Variants in MCM7 observed in about 807,000 individuals in gnomAD.
MCM7 encodes minichromosome maintenance complex component 7, also known as DNA replication licensing factor MCM7.
MCM7 carries 95 observed loss-of-function variants against 83.5 expected under a neutral mutation model. That is an observed-to-expected ratio of 1.14 (90% confidence interval 0.96 to 1.35). MCM7 has a LOEUF of 1.35. MCM7 is among the 40% of genes most tolerant of loss of function. MCM7 has a pLI of 0.00. For synonymous variants in MCM7, 461 were observed against 352.7 expected (o/e 1.31, Z -3.44); for missense variants, 1,087 against 957.4 (o/e 1.14, Z -1.79).
Position 100,101,364 on chromosome 7 carries a change from C to G in MCM7, c.-70G>C. On this transcript the variant is annotated 5_prime_UTR_variant, in exon 1 of 15. Transcript: ENST00000303887. ...TTGCTCCTGGGGAAGCTGAGAATCT[C>G]CGCGCGGTGGACTGTGGCCGGCCAA... is the stretch of plus-strand genomic sequence containing the variant. 6.2e-7 allele frequency: 1 copy of G among 1,602,054 alleles called. No homozygotes were observed. Among genetic ancestry groups the G allele is most frequent in the Non-Finnish European group, 8.5e-7 (1 of 1,173,110 alleles).
At chr7:100,096,283 AC>A in intron 10 of MCM7, 116 bp from the exon 11 acceptor site, 1 of 1,029,654 alleles carries the variant, frequency 9.7e-7, no homozygotes, top group Non-Finnish European at 1.4e-6. Context: ...CACTCCCTCC[AC>A]CAGGCCTTCT....
chr7:100,099,935 T>C, intron 2 of MCM7, 79 bp downstream of exon 2: 1 of 1,471,960 alleles, frequency 6.8e-7, no homozygotes, highest in Non-Finnish European at 9.5e-7. Context: ...GTTATGTCTT[T>C]AATAAAACAA....
chr7:100,093,483 A>C (rs1584483479), intron 13 of MCM7, 82 bp from the exon 14 acceptor site: 1 of 1,293,616 alleles, frequency 7.7e-7, no homozygotes, highest in East Asian at 2.3e-5. Context: ...TTCTGGCTTT[A>C]AGGCTGGGCA....
At chr7:100,095,287 GGT>G in intron 12 of MCM7, 98 bp downstream of exon 12, 1 of 974,828 alleles carries the variant, frequency 1.0e-6, no homozygotes, top group East Asian at 2.6e-5. Context: ...AGCGGGAAGT[GGT>G]GGTGTGAAAA....
chr7:100,094,000 G>A (rs1562892264), intron 13 of MCM7, 173 bp downstream of exon 13: 9 of 861,946 alleles, frequency 1.0e-5, no homozygotes, highest in Non-Finnish European at 1.8e-5. Flanking sequence ...TGCCCTGCTG[G>A]AGCAGCAAGT....
Position 100,101,249 on chromosome 7 carries a change from C to T in MCM7, c.31+15G>A, listed in dbSNP as rs187528488. Reference sequence around the variant, plus strand: ...TCCCCGCGCAGGACGCCCTCCCGGGCTCGTAGACCCGTACCCTTCTCTAGC... The same window carrying T: ...TCCCCGCGCAGGACGCCCTCCCGGGTTCGTAGACCCGTACCCTTCTCTAGC... On this transcript the variant is annotated intron_variant, in intron 1 of 14. Transcript: ENST00000303887. 6.2e-7 allele frequency: 1 copy of T among 1,613,080 alleles called. No individual in the cohort carries two copies. Among genetic ancestry groups the T allele is most frequent in the African/African-American group, 1.3e-5 (1 of 75,062 alleles).
chr7:100,098,297 G>T lies in MCM7; in HGVS notation c.721-7C>A. On this transcript the variant is annotated splice_region_variant and splice_polypyrimidine_tract_variant and intron_variant, in intron 6 of 14. Coordinates refer to ENST00000303887, the MANE Select transcript of MCM7 (RefSeq NM_005916.5). The stretch of plus-strand genomic sequence containing the variant: ...CCACAGGCACCTGATCACTCTAGGG[G>T]AGGGAAAGGCACATAAGACTAGGAG... The T allele has an allele frequency of 1.2e-6, 2 of 1,613,872 alleles. No homozygotes were observed. Among genetic ancestry groups the T allele is most frequent in the Non-Finnish European group, 1.7e-6 (2 of 1,179,874 alleles).
rs890554533 is a variant in MCM7, at chr7:100,100,075, A to T, written c.50T>A (p.Leu17Ter). Reference sequence around the variant, plus strand: ...TTCATCATCCTGGTAGAACTCTTGTAAGAACTTCTTAACCTTTTCTGTAAC... The same window carrying T: ...TTCATCATCCTGGTAGAACTCTTGTTAGAACTTCTTAACCTTTTCTGTAAC... ...ALEKEKVKKF[L>*]QEFYQDDELG... Residue 17 changes from leucine (L) to a stop codon, truncating the protein, a stop_gained, in exon 2 of 15, where the codon TTA becomes TAA. Transcript: ENST00000303887. LOFTEE classifies it high-confidence loss of function. The T allele has an allele frequency of 6.2e-7, 1 of 1,614,174 alleles. No individual in the cohort carries two copies. Among genetic ancestry groups the T allele is most frequent in the Non-Finnish European group, 8.5e-7 (1 of 1,180,012 alleles).
At chr7:100,100,534 AAAG>A in intron 1 of MCM7, 6 of 996,164 alleles carry the variant, frequency 6.0e-6, no homozygotes, top group Non-Finnish European at 7.2e-6. Context: ...CTTAGTAAAC[AAAG>A]AAGCACATGG....
intron 2 of MCM7, 27 bp downstream of exon 2, chr7:100,099,987 A>G (rs368617055): frequency 1.9e-6 from 3 of 1,598,558 alleles, no homozygotes; most frequent in Non-Finnish European, 2.6e-6. Context: ...CCCGCTCCCC[A>G]TTCCCTTTAC....
rs758489790 is a variant in MCM7 at position 100,093,534 on chromosome 7, C to T, written c.1849-133G>A. 3 of 845,584 alleles carry T rather than the reference C, an allele frequency of 3.5e-6. No individual in the cohort carries two copies. In the South Asian group the frequency reaches 4.0e-5, roughly 11 times the overall value. 52.4% of individuals were successfully genotyped at this position (845,584 alleles called of 1,614,324 possible). ...ACTCACAAAACAGGAGTGGAATCCC[C>T]CCTCCCCCCAGCATCCGCAGTGTTG... On this transcript the variant is annotated intron_variant, in intron 13 of 14. Transcript: ENST00000303887.
At position 100,098,170 on chromosome 7, in the gene MCM7, G is replaced by A. The variant is rs144442526; in HGVS notation, c.841C>T (p.Leu281=). 1,095 of 1,614,140 alleles carry A rather than the reference G, an allele frequency of 6.8e-4. 1 individual carries two copies. The highest frequency in any genetic ancestry group is 1.2e-3 in the Middle Eastern group (7 of 6,062). ...ACCACCTGTCGGAACCCAGTGCGCAGGATTGGCAAGAAAATACCAGTGACG... is the reference window on the plus strand; with the variant it reads ...ACCACCTGTCGGAACCCAGTGCGCAAGATTGGCAAGAAAATACCAGTGACG... The part of the protein sequence containing the change: ...VSVTGIFLPI[L]RTGFRQVVQG... The change falls in exon 7 of 15, where the codon CTG becomes TTG. Residue 281 remains leucine, a synonymous_variant. Transcript: ENST00000303887.
intron 11 of MCM7, 114 bp from the exon 12 acceptor site, chr7:100,095,584 T>C (rs1795584504): frequency 2.3e-6 from 3 of 1,310,418 alleles, no homozygotes; most frequent in Non-Finnish European, 3.2e-6. Context: ...GGGACAAGCT[T>C]TCCCGGGAAA....
At chr7:100,100,263 C>A (rs1795901446) in intron 1 of MCM7, 170 bp from the exon 2 acceptor site, 1 of 1,391,416 alleles carries the variant, frequency 7.2e-7, no homozygotes, top group African/African-American at 1.5e-5. Context: ...CTGTTTCTAA[C>A]CAGCGAAGAA....
Position 100,101,252 on chromosome 7 carries a change from G to A in MCM7, c.31+12C>T, listed in dbSNP as rs201743977. ...CCGCGCAGGACGCCCTCCCGGGCTC[G>A]TAGACCCGTACCCTTCTCTAGCGCG... On this transcript the variant is annotated intron_variant, in intron 1 of 14. Coordinates refer to ENST00000303887, the MANE Select transcript of MCM7 (RefSeq NM_005916.5). 63 of 1,613,058 alleles carry A rather than the reference G, an allele frequency of 3.9e-5. 1 individual carries two copies. In the East Asian group the frequency reaches 1.4e-3, roughly 35 times the overall value.
chr7:100,097,699 T>C lies in MCM7; in HGVS notation c.1032A>G (p.Ile344Met). 6.2e-7 allele frequency: 1 copy of C among 1,614,236 alleles called. No homozygotes were observed. The highest frequency in any genetic ancestry group is 8.5e-7 in the Non-Finnish European group (1 of 1,180,040). The change falls in exon 9 of 15, where the codon ATA becomes ATG. Residue 344 changes from isoleucine to methionine, a missense_variant. Ile to Met is a conservative substitution (Grantham distance 10). Coordinates refer to ENST00000303887, the MANE Select transcript of MCM7 (RefSeq NM_005916.5). Reference protein sequence around the residue: ...EKLAASIAPEIYGHEDVKKAL... With the variant: ...EKLAASIAPEMYGHEDVKKAL... ...CCTTCTTCACATCTTCATGCCCGTA[T>C]ATTTCTGGGGCGATTGAAGCTGCCA...
chr7:100,098,032 C>T (rs1795736159), intron 7 of MCM7, 84 bp from the exon 8 acceptor site: 15 of 1,578,042 alleles, frequency 9.5e-6, no homozygotes, highest in South Asian at 4.5e-5. Context: ...TTGACAAATC[C>T]CTGGGTTCTG....
At position 100,093,034 on chromosome 7, in the gene MCM7, A is replaced by C. The variant is rs778783118; in HGVS notation, c.2058T>G (p.Ser686=). 6.2e-7 allele frequency: 1 copy of C among 1,614,212 alleles called. No individual in the cohort carries two copies. The highest frequency in any genetic ancestry group is 8.5e-7 in the Non-Finnish European group (1 of 1,180,028). ...GGAACTGGGCGGGTGTGAAGCCACG[A>C]GATACACAGCGCTGCTCTGCCTCAG... ...RFSEAEQRCV[S]RGFTPAQFQA... Residue 686 remains serine (S), a synonymous_variant, in exon 15 of 15, where the codon TCT becomes TCG. Coordinates refer to ENST00000303887, the MANE Select transcript of MCM7 (RefSeq NM_005916.5).
At chr7:100,097,781 G>A in intron 8 of MCM7, 36 bp from the exon 9 acceptor site, 1 of 1,613,966 alleles carries the variant, frequency 6.2e-7, no homozygotes, top group Non-Finnish European at 8.5e-7. Flanking sequence ...TTTTCTGGGG[G>A]AAAAGGGAGC....
Sources: gnomAD v4.1 joint callset for allele counts on GRCh38, gnomAD v4.1.1 for gene constraint, MANE v1.5 for transcripts, NCBI Gene and HGNC (gene_info 2026-07-23, HGNC 2026-07-21) for gene names.